Variants in EIF4G2 observed in about 807,000 individuals in gnomAD.
EIF4G2 encodes DAP-5.
Under a neutral mutation model 117.7 loss-of-function variants are expected in EIF4G2, and 8 were observed. The observed-to-expected ratio is 0.07, with a 90% CI of 0.04 to 0.12. The LOEUF (loss-of-function observed/expected upper bound fraction) is 0.12. Among genes scored for constraint, EIF4G2 ranks in the 10% least tolerant of loss-of-function variants. The probability of loss-of-function intolerance (pLI) is 1.00; values close to 1 mark genes in which losing one functional copy is unlikely to be tolerated. For synonymous variants in EIF4G2, 413 were observed against 367.8 expected (o/e 1.12, Z -1.41); for missense variants, 812 against 1,086.2 (o/e 0.75, Z 3.55).
In EIF4G2 at chr11:10,803,714, C is replaced by A; in HGVS notation, c.703-124G>T. ...CCTACAGAATCTAGTATAGGGCTTT[C>A]TACCAGTCTGGTTGATCAGTTCTAA... On this transcript the variant is annotated intron_variant, in intron 8 of 21. Coordinates refer to ENST00000339995, the MANE Select transcript of EIF4G2 (RefSeq NM_001418.4). The surrounding 1 kb of genome is among the most constrained non-coding windows in gnomAD (Gnocchi z 4.0). The A allele has an allele frequency of 8.9e-7, 1 of 1,118,412 alleles. No homozygotes were observed. The highest frequency in any genetic ancestry group is 2.4e-5 in the East Asian group (1 of 41,388). The allele number at this position is 1,118,412 out of a possible 1,614,324, so 69.3% of individuals were successfully genotyped here. A position where few individuals can be genotyped will look rare whatever the true frequency, so the allele number is the denominator to read the frequency against.
In EIF4G2 at chr11:10,803,272, G is replaced by A; in HGVS notation, c.836C>T (p.Ala279Val). 6.2e-7 allele frequency: 1 copy of A among 1,613,992 alleles called. No individual in the cohort carries two copies. Among genetic ancestry groups the A allele is most frequent in the Non-Finnish European group, 8.5e-7 (1 of 1,179,940 alleles). ...ACTTAACATCAAGGAGCACATTCGG[G>A]CAAAGTACTGATCCATTAAGGACTG... The change falls in exon 10 of 22, where the codon GCC becomes GTC. Residue 279 changes from alanine to valine, a missense_variant. Transcript: ENST00000339995. The surrounding 1 kb of genome is among the most constrained non-coding windows in gnomAD (Gnocchi z 4.0).
intron 1 of EIF4G2, chr11:10,808,289 A>G: frequency 1.6e-6 from 2 of 1,216,408 alleles, no homozygotes; most frequent in Non-Finnish European, 1.0e-6. Context: ...CCCCGCCGGG[A>G]GGCCAGGCTC....
intron 1 of EIF4G2, chr11:10,808,194 T>C: frequency 8.9e-7 from 1 of 1,122,412 alleles, no homozygotes; most frequent in South Asian, 1.8e-5. Flanking sequence ...CGGCCTCCTC[T>C]GCTGACAAAA....
chr11:10,801,834 C>A, intron 13 of EIF4G2, 60 bp from the exon 14 acceptor site: 2 of 1,513,566 alleles, frequency 1.3e-6, no homozygotes, highest in Admixed American at 1.8e-5. Flanking sequence ...TTATGGTAAT[C>A]AAGTACCAAA....
chr11:10,799,138 A>C, intron 20 of EIF4G2, 25 bp from the exon 21 acceptor site: 1 of 1,577,722 alleles, frequency 6.3e-7, no homozygotes, highest in Non-Finnish European at 8.5e-7. Flanking sequence ...AAAAAAGAAA[A>C]AAGTAATAAG....
At position 10,803,971 on chromosome 11, in the gene EIF4G2, G is replaced by A. The variant is rs1847493466; in HGVS notation, c.630C>T (p.Asn210=). Reference sequence around the variant, plus strand: ...TGCCAAGCTCTCCAATGAATTTGATGTTTCCCAACATCTTGATCTTAGCAA... The same window carrying A: ...TGCCAAGCTCTCCAATGAATTTGATATTTCCCAACATCTTGATCTTAGCAA... The change falls in exon 8 of 22, where the codon AAC becomes AAT. Residue 210 remains asparagine, a synonymous_variant. Transcript: ENST00000339995. This position sits in a 1 kb window ranked among gnomAD's most constrained non-coding sequence, Gnocchi z 4.0. The A allele has an allele frequency of 1.2e-6, 2 of 1,614,160 alleles. No individual in the cohort carries two copies. The highest frequency in any genetic ancestry group is 2.7e-5 in the African/African-American group (2 of 75,040).
In EIF4G2 at chr11:10,797,261, C is replaced by T. The variant is rs1847286916; in HGVS notation, c.*555G>A. The T allele has an allele frequency of 6.5e-6, 1 of 153,022 alleles. No individual in the cohort carries two copies. Among genetic ancestry groups the T allele is most frequent in the Non-Finnish European group, 1.5e-5 (1 of 68,386 alleles). 9.5% of individuals were successfully genotyped at this position (153,022 alleles called of 1,614,324 possible). On this transcript the variant is annotated 3_prime_UTR_variant, in exon 22 of 22. Transcript: ENST00000339995. This position sits in a 1 kb window ranked among gnomAD's most constrained non-coding sequence, Gnocchi z 4.5. ...AGTTTTGTGCAAGTAAACCATGTTT[C>T]TTTTAAAAAGACTTGTGCACTTGCC...
chr11:10,799,521 A>G, intron 19 of EIF4G2, 31 bp downstream of exon 19: 1 of 1,610,452 alleles, frequency 6.2e-7, no homozygotes, highest in South Asian at 1.1e-5. Context: ...TACATGAAAC[A>G]TTACCATATG....
intron 13 of EIF4G2, 87 bp downstream of exon 13, chr11:10,801,962 T>C: frequency 2.1e-6 from 1 of 484,602 alleles, no homozygotes; most frequent in East Asian, 1.7e-4. Flanking sequence ...TTACTAATAC[T>C]TTACTAATCT....
chr11:10,800,726 C>A lies in EIF4G2; in HGVS notation c.1644+5G>T. The A allele has an allele frequency of 1.2e-6, 2 of 1,614,128 alleles. No homozygotes were observed. The highest frequency in any genetic ancestry group is 1.7e-6 in the Non-Finnish European group (2 of 1,180,012). On this transcript the variant is annotated splice_donor_5th_base_variant and intron_variant, in intron 16 of 21. Transcript: ENST00000339995. ...TTACACTAAAATGGGATATTTGAAA[C>A]TTACAGTTAGTTTAAGGAGTTCTTC...
chr11:10,797,528 G>T lies in EIF4G2; in HGVS notation c.*288C>A, dbSNP rs1847291412. ...CCTATGATAACTGGCAGCAAAGAAG[G>T]TCCTTGCAATAGACTGCCTCTGCTT... On this transcript the variant is annotated 3_prime_UTR_variant, in exon 22 of 22. Transcript: ENST00000339995. This position sits in a 1 kb window ranked among gnomAD's most constrained non-coding sequence, Gnocchi z 4.5. The T allele has an allele frequency of 2.9e-6, 1 of 340,384 alleles. No individual in the cohort carries two copies. The highest frequency in any genetic ancestry group is 5.9e-5 in the East Asian group (1 of 17,088). The allele number at this position is 340,384 out of a possible 1,614,324, so 21.1% of individuals were successfully genotyped here.
chr11:10,803,324 G>A lies in EIF4G2; in HGVS notation c.814-30C>T. The A allele has an allele frequency of 5.6e-6, 9 of 1,606,690 alleles. No individual in the cohort carries two copies. Among genetic ancestry groups the A allele is most frequent in the Non-Finnish European group, 7.7e-6 (9 of 1,176,302 alleles). ...TAAGAGAAGAATACATTCATTGGAA[G>A]AGCTAAAGCAAATGTGTTCAATTTA... On this transcript the variant is annotated intron_variant, in intron 9 of 21. Coordinates refer to ENST00000339995, the MANE Select transcript of EIF4G2 (RefSeq NM_001418.4). The surrounding 1 kb of genome is among the most constrained non-coding windows in gnomAD (Gnocchi z 4.0).
At position 10,802,364 on chromosome 11, in the gene EIF4G2, G is replaced by C; in HGVS notation, c.1068C>G (p.Phe356Leu). The C allele has an allele frequency of 6.2e-7, 1 of 1,614,008 alleles. No homozygotes were observed. Among genetic ancestry groups the C allele is most frequent in the East Asian group, 2.2e-5 (1 of 44,882 alleles). ...TATCCATTTTCATCCTGGGTGGCAT[G>C]AACGGTCCCTCCAGAAAGAAGTCAC... The change falls in exon 12 of 22, where the codon TTC (phenylalanine) becomes TTG (leucine). Residue 356 changes from phenylalanine to leucine, a missense_variant. Physicochemically the swap from Phe to Leu is conservative, Grantham distance 22. Coordinates refer to ENST00000339995, the MANE Select transcript of EIF4G2 (RefSeq NM_001418.4).
chr11:10,802,997 C>T (rs1847471705), intron 11 of EIF4G2, 33 bp downstream of exon 11: 1 of 1,591,676 alleles, frequency 6.3e-7, no homozygotes, highest in South Asian at 1.1e-5. Context: ...CACACAGAGT[C>T]TATGTGACAA....
At chr11:10,807,489 A>C (rs1399873649) in intron 1 of EIF4G2, 108 bp from the exon 2 acceptor site, 11 of 1,382,788 alleles carry the variant, frequency 8.0e-6, no homozygotes, top group Non-Finnish European at 9.3e-6. Flanking sequence ...TGCATTGCAG[A>C]TCTGTAAGAC....
At position 10,803,986 on chromosome 11, in the gene EIF4G2, G is replaced by A. The variant is rs756461391; in HGVS notation, c.615C>T (p.Ile205=). The A allele has an allele frequency of 5.0e-5, 80 of 1,614,156 alleles. No homozygotes were observed. The South Asian group carries it at 8.6e-4, about 17-fold the overall frequency. The change falls in exon 8 of 22, where the codon ATC becomes ATT. Residue 205 remains isoleucine, a synonymous_variant. Coordinates refer to ENST00000339995, the MANE Select transcript of EIF4G2 (RefSeq NM_001418.4). The surrounding 1 kb of genome is among the most constrained non-coding windows in gnomAD (Gnocchi z 4.0). ...TGAATTTGATGTTTCCCAACATCTT[G>A]ATCTTAGCAATGGCTCTCTGTTCCT... is the stretch of plus-strand genomic sequence containing the variant.
chr11:10,799,118 A>T lies in EIF4G2; in HGVS notation c.2537-5T>A, dbSNP rs376700293. On this transcript the variant is annotated splice_polypyrimidine_tract_variant and splice_region_variant and intron_variant, in intron 20 of 21. Coordinates refer to ENST00000339995, the MANE Select transcript of EIF4G2 (RefSeq NM_001418.4). ...CAAAAAAGCGAAGTAACATGCCTTAAAAAAAAAAAAAAAAAGAAAAAAGTA... is the reference window on the plus strand; with the variant it reads ...CAAAAAAGCGAAGTAACATGCCTTATAAAAAAAAAAAAAAAGAAAAAAGTA... 1 of 483,386 alleles carries T rather than the reference A, an allele frequency of 2.1e-6. No individual in the cohort carries two copies. Among genetic ancestry groups the T allele is most frequent in the Non-Finnish European group, 2.9e-6 (1 of 339,806 alleles). 29.9% of individuals were successfully genotyped at this position (483,386 alleles called of 1,614,324 possible).
rs980741160 is a variant in EIF4G2, at chr11:10,808,797, CA to C, written c.-180del. On this transcript the variant is annotated 5_prime_UTR_variant, in exon 1 of 22. Transcript: ENST00000339995. ...AGGGAGGGGAAAGGGGAACGGAAAA[CA>C]AAAAAAAGGGGGAGGGAAGGGGGAG... 5.1e-5 allele frequency: 7 copies of C among 136,572 alleles called. No individual in the cohort carries two copies. The South Asian group carries it at 5.4e-4, about 11-fold the overall frequency. 8.5% of individuals were successfully genotyped at this position (136,572 alleles called of 1,614,324 possible).
intron 1 of EIF4G2, chr11:10,808,205 G>C: frequency 8.9e-7 from 1 of 1,125,762 alleles, no homozygotes; most frequent in Non-Finnish European, 1.1e-6. Context: ...GCTGACAAAA[G>C]GGGCAGAAAT....
Sources: allele counts gnomAD v4.1 joint callset, GRCh38; gene constraint gnomAD v4.1.1; non-coding constraint Gnocchi (gnomAD v3.1); transcripts MANE v1.5; gene names NCBI Gene and HGNC (gene_info 2026-07-23, HGNC 2026-07-21).